PKD1: variants seen among roughly 807,000 people sequenced by gnomAD.
PKD1 encodes the protein polycystin 1, transient receptor potential channel interacting, also known as polycystin-1.
Under a neutral mutation model 361.7 loss-of-function variants are expected in PKD1, and 81 were observed. That is an observed-to-expected ratio of 0.22 (90% confidence interval 0.19 to 0.27). The LOEUF is 0.27. PKD1 is among the 10% of genes least tolerant of loss of function. The pLI, the probability that PKD1 is intolerant of heterozygous loss-of-function variation, is 1.00. For synonymous variants in PKD1, 3,615 were observed against 2,818.3 expected (o/e 1.28, Z -8.95); for missense variants, 6,399 against 6,118.3 (o/e 1.05, Z -1.53).
chr16:2,089,672 A>G lies in PKD1; in HGVS notation c.*55T>C. The G allele has an allele frequency of 6.5e-7, 1 of 1,545,422 alleles. No homozygotes were observed. Among genetic ancestry groups the G allele is most frequent in the East Asian group, 2.4e-5 (1 of 41,102 alleles). ...CTCGGCCTTGACAGCGGCAGAAAGT[A>G]ATACTGAGCGGTGTCCACTCCGACT... is the stretch of plus-strand genomic sequence containing the variant. On this transcript the variant is annotated 3_prime_UTR_variant, in exon 46 of 46. Coordinates refer to ENST00000262304, the MANE Select transcript of PKD1 (RefSeq NM_001009944.3).
At position 2,100,648 on chromosome 16, in the gene PKD1, G is replaced by T; in HGVS notation, c.9398-82C>A. On this transcript the variant is annotated intron_variant, in intron 26 of 45. Transcript: ENST00000262304. This position sits in a 1 kb window ranked among gnomAD's most constrained non-coding sequence, Gnocchi z 4.4. ...TCCCAGGCAAGTCATCTCAGCTTTG[G>T]CCTGTGCGCACTCAAGGAGCCACAC... The T allele has an allele frequency of 7.9e-7, 1 of 1,267,870 alleles. No homozygotes were observed. The highest frequency in any genetic ancestry group is 1.1e-6 in the Non-Finnish European group (1 of 886,376). The allele number at this position is 1,267,870 out of a possible 1,614,324, so 78.5% of individuals were successfully genotyped here.
chr16:2,132,018 A>C (rs564499028), intron 1 of PKD1: 1 of 152,292 alleles, frequency 6.6e-6, no homozygotes, highest in African/African-American at 2.4e-5. Flanking sequence ...TGGGAGGCCA[A>C]GGCAGGCGGA....
chr16:2,133,059 G>C (rs908501679), intron 1 of PKD1: 1 of 134,688 alleles, frequency 7.4e-6, no homozygotes. Flanking sequence ...TCCAGCCTTG[G>C]CAACAAGAGT....
At position 2,103,599 on chromosome 16, in the gene PKD1, T is replaced by C. The variant is rs568761110; in HGVS notation, c.8458A>G (p.Ser2820Gly). ...EAFSGALANLSDVVQLIFLVD... is the reference protein window; with the variant it reads ...EAFSGALANLGDVVQLIFLVD... Reference sequence around the variant, plus strand: ...AGAAAGATGAGCTGCACCACGTCACTGAGGTTGGCCAGGGCCCCGCTGAAA... The same window carrying C: ...AGAAAGATGAGCTGCACCACGTCACCGAGGTTGGCCAGGGCCCCGCTGAAA... Residue 2820 changes from serine (S) to glycine (G), a missense_variant, in exon 23 of 46, where the codon AGT becomes GGT. Transcript: ENST00000262304. 4 of 1,610,314 alleles carry C rather than the reference T, an allele frequency of 2.5e-6. No homozygotes were observed. In the East Asian group the frequency reaches 8.9e-5, roughly 36 times the overall value.
rs749053258 is a variant in PKD1, at chr16:2,093,958, G to GGCCAGGGAGGCAC, written c.10661_10673dup (p.His3559CysfsTer72). On this transcript the variant is annotated frameshift_variant, in exon 36 of 46. Coordinates refer to ENST00000262304, the MANE Select transcript of PKD1 (RefSeq NM_001009944.3). LOFTEE classifies it high-confidence loss of function. ...CCACCAGGAGCAGGCTGAGCCCGTG[G>GGCCAGGGAGGCAC]GCCAGGGAGGCACACCAGGCCGGCA... The GGCCAGGGAGGCAC allele has an allele frequency of 6.3e-7, 1 of 1,586,732 alleles. No homozygotes were observed. The highest frequency in any genetic ancestry group is 8.5e-7 in the Non-Finnish European group (1 of 1,170,058).
chr16:2,100,453 C>T lies in PKD1; in HGVS notation c.9511G>A (p.Ala3171Thr). 6.2e-7 allele frequency: 1 copy of T among 1,610,974 alleles called. No homozygotes were observed. The highest frequency in any genetic ancestry group is 8.5e-7 in the Non-Finnish European group (1 of 1,179,694). ...ACGCTACCCAGGCTGTGCGGGGTGGCGATCCGGAAGATGTCCAGGCTGTTG... is the reference window on the plus strand; with the variant it reads ...ACGCTACCCAGGCTGTGCGGGGTGGTGATCCGGAAGATGTCCAGGCTGTTG... ...HRNSLDIFRI[A>T]TPHSLGSVWK... The change falls in exon 27 of 46, where the codon GCC becomes ACC. Residue 3171 changes from alanine to threonine, a missense_variant. Coordinates refer to ENST00000262304, the MANE Select transcript of PKD1 (RefSeq NM_001009944.3). This position sits in a 1 kb window ranked among gnomAD's most constrained non-coding sequence, Gnocchi z 4.4.
At chr16:2,123,080 CACT>C (rs1408497953) in intron 1 of PKD1, among the ~76,000 whole-genome samples, 2 of 152,206 alleles carry the variant, frequency 1.3e-5, no homozygotes, top group Non-Finnish European at 2.9e-5. Context: ...CCGCCCATCC[CACT>C]GTGAACCAGG....
At position 2,089,556 on chromosome 16, in the gene PKD1, A is replaced by C. The variant is rs2091356785; in HGVS notation, c.*171T>G. 2.4e-6 allele frequency: 2 copies of C among 818,538 alleles called. No homozygotes were observed. Among genetic ancestry groups the C allele is most frequent in the Non-Finnish European group, 3.8e-6 (2 of 521,098 alleles). 50.7% of individuals were successfully genotyped at this position (818,538 alleles called of 1,614,324 possible). On this transcript the variant is annotated 3_prime_UTR_variant, in exon 46 of 46. Coordinates refer to ENST00000262304, the MANE Select transcript of PKD1 (RefSeq NM_001009944.3). Reference sequence around the variant, plus strand: ...AGGGGACCCTGGGTCCTGGTTGGCCACACAGCCTCTTTAAAGTGCTGAAGC... The same window carrying C: ...AGGGGACCCTGGGTCCTGGTTGGCCCCACAGCCTCTTTAAAGTGCTGAAGC...
Position 2,105,370 on chromosome 16 carries a change from G to A in PKD1, c.7968C>T (p.His2656=), listed in dbSNP as rs1752196050. ...CGATCTGCTGGATGTCATCCACAGTGTGGACCCTCAGGGACACCAGAGTCT... is the reference window on the plus strand; with the variant it reads ...CGATCTGCTGGATGTCATCCACAGTATGGACCCTCAGGGACACCAGAGTCT... ...ITETLVSLRV[H]TVDDIQQIAA... The change falls in exon 21 of 46, where the codon CAC becomes CAT. Residue 2656 remains histidine (H), a synonymous_variant. Transcript: ENST00000262304. The A allele has an allele frequency of 6.3e-7, 1 of 1,590,274 alleles. No individual in the cohort carries two copies. The highest frequency in any genetic ancestry group is 8.5e-7 in the Non-Finnish European group (1 of 1,175,126).
chr16:2,091,080 C>G lies in PKD1; in HGVS notation c.11807G>C (p.Trp3936Ser). 6.6e-7 allele frequency: 1 copy of G among 1,511,436 alleles called. No homozygotes were observed. Among genetic ancestry groups the G allele is most frequent in the African/African-American group, 1.4e-5 (1 of 70,702 alleles). 93.6% of individuals were successfully genotyped at this position (1,511,436 alleles called of 1,614,324 possible). Residue 3936 changes from tryptophan to serine, a missense_variant, in exon 43 of 46, where the codon TGG becomes TCG. By Grantham distance (177) the Trp-to-Ser change is radical. Coordinates refer to ENST00000262304, the MANE Select transcript of PKD1 (RefSeq NM_001009944.3). ...CAGCGCCACCAGCAGCCACCGCGCC[C>G]AGGCTCCGAGCCGCAGCACGCGCCA... ...GRWRVLRLGA[W>S]ARWLLVALTA...
At position 2,094,148 on chromosome 16, in the gene PKD1, G is replaced by A. The variant is rs773860404; in HGVS notation, c.10562C>T (p.Pro3521Leu). 8 of 1,599,890 alleles carry A rather than the reference G, an allele frequency of 5.0e-6. No homozygotes were observed. The Admixed American group carries it at 5.1e-5, about 10-fold the overall frequency. The change falls in exon 35 of 46, where the codon CCA becomes CTA. Residue 3521 changes from proline to leucine, a missense_variant. Pro to Leu is a moderately conservative substitution (Grantham distance 98). Coordinates refer to ENST00000262304, the MANE Select transcript of PKD1 (RefSeq NM_001009944.3). ...TTCCCAGTTCAGGCCTGGGCTGGGTGGCCCCAGCTCCCCCAGCCTCTGCAG... is the reference window on the plus strand; with the variant it reads ...TTCCCAGTTCAGGCCTGGGCTGGGTAGCCCCAGCTCCCCCAGCCTCTGCAG... ...LALQRLGELG[P>L]PSPGLNWEQP...
Position 2,117,532 on chromosome 16 carries a change from C to T in PKD1, c.1342G>A (p.Asp448Asn), listed in dbSNP as rs1191999728. 7.5e-6 allele frequency: 12 copies of T among 1,594,036 alleles called. No homozygotes were observed. Among genetic ancestry groups the T allele is most frequent in the Non-Finnish European group, 1.0e-5 (12 of 1,171,652 alleles). ...AGGAAGCGCTGCACGGCGGGACTGT[C>T]CACCATTGCCAGGGCGGCCCCGGCC... ...AWAGAALAMV[D>N]SPAVQRFLVS... The change falls in exon 6 of 46, where the codon GAC becomes AAC. Residue 448 changes from aspartate to asparagine, a missense_variant. Coordinates refer to ENST00000262304, the MANE Select transcript of PKD1 (RefSeq NM_001009944.3).
At position 2,092,569 on chromosome 16, in the gene PKD1, A is replaced by G; in HGVS notation, c.11180T>C (p.Met3727Thr). The change falls in exon 39 of 46, where the codon ATG (methionine) becomes ACG (threonine). Residue 3727 changes from methionine (M) to threonine (T), a missense_variant. By Grantham distance (81) the Met-to-Thr change is moderately conservative (BLOSUM62 -1). Transcript: ENST00000262304. ...ITRSEELWPWMAHVLLPYVHG... is the reference protein window; with the variant it reads ...ITRSEELWPWTAHVLLPYVHG... Reference sequence around the variant, plus strand: ...GACGTAGGGCAGCAGCACGTGGGCCATCCATGGCCAGAGCTCCTCAGACCT... The same window carrying G: ...GACGTAGGGCAGCAGCACGTGGGCCGTCCATGGCCAGAGCTCCTCAGACCT... 1.2e-6 allele frequency: 2 copies of G among 1,611,876 alleles called. No individual in the cohort carries two copies. Among genetic ancestry groups the G allele is most frequent in the Non-Finnish European group, 1.7e-6 (2 of 1,179,426 alleles).
intron 20 of PKD1, 37 bp downstream of exon 20, chr16:2,105,828 G>T: frequency 6.3e-7 from 1 of 1,583,270 alleles, no homozygotes; most frequent in Non-Finnish European, 8.6e-7. Context: ...AAGCACGCAT[G>T]CAGCAGATGT....
chr16:2,135,078 C>A (rs1282537650), intron 1 of PKD1: 1 of 974,194 alleles, frequency 1.0e-6, no homozygotes. Flanking sequence ...TCCATCAAAT[C>A]CTTTTCCAGA....
rs778633274 is a variant in PKD1 at position 2,094,203 on chromosome 16, T to A, written c.10507A>T (p.Thr3503Ser). 2 of 1,587,178 alleles carry A rather than the reference T, an allele frequency of 1.3e-6. No homozygotes were observed. The highest frequency in any genetic ancestry group is 3.3e-5 in the Admixed American group (2 of 59,728). Residue 3503 changes from threonine to serine, a missense_variant, in exon 35 of 46, where the codon ACT (threonine) becomes TCT (serine). Coordinates refer to ENST00000262304, the MANE Select transcript of PKD1 (RefSeq NM_001009944.3). Reference protein sequence around the residue: ...ETDLLSSLSSTPGEKTETLAL... With the variant: ...ETDLLSSLSSSPGEKTETLAL... ...AGCGTCTCTGTCTTCTCCCCAGGAG[T>A]GCTGGACCTGAGGGACATGGTAGGC...
rs746344579 is a variant in PKD1 at position 2,114,219 on chromosome 16, A to G, written c.2804T>C (p.Leu935Pro). The change falls in exon 11 of 46, where the codon CTC (leucine) becomes CCC (proline). Residue 935 changes from leucine to proline, a missense_variant. Coordinates refer to ENST00000262304, the MANE Select transcript of PKD1 (RefSeq NM_001009944.3). ...RVTAEEPICG[L>P]RATPSPEARV... Reference sequence around the variant, plus strand: ...GGCCTCGGGGCTGGGCGTGGCGCGGAGGCCACAGATGGGCTCCTCCGCCGT... The same window carrying G: ...GGCCTCGGGGCTGGGCGTGGCGCGGGGGCCACAGATGGGCTCCTCCGCCGT... 6.2e-7 allele frequency: 1 copy of G among 1,609,882 alleles called. No individual in the cohort carries two copies. The highest frequency in any genetic ancestry group is 2.2e-5 in the East Asian group (1 of 44,872).
In PKD1 at chr16:2,100,236, C is replaced by T. The variant is rs551855121; in HGVS notation, c.9642G>A (p.Leu3214=). 2 of 1,610,652 alleles carry T rather than the reference C, an allele frequency of 1.2e-6. No individual in the cohort carries two copies. Among genetic ancestry groups the T allele is most frequent in the Admixed American group, 3.3e-5 (2 of 60,014 alleles). The change falls in exon 28 of 46, where the codon CTG becomes CTA. Residue 3214 remains leucine (L), a synonymous_variant. Coordinates refer to ENST00000262304, the MANE Select transcript of PKD1 (RefSeq NM_001009944.3). The surrounding 1 kb of genome is among the most constrained non-coding windows in gnomAD (Gnocchi z 4.4). ...DLQTARSAFF[L]VNDWLSVETE... ...TCTCCACCGAAAGCCAGTCATTGACCAGGAAGAAGGCGCTGCGTGCCGTCT... is the reference window on the plus strand; with the variant it reads ...TCTCCACCGAAAGCCAGTCATTGACTAGGAAGAAGGCGCTGCGTGCCGTCT...
rs2091381361 is a variant in PKD1 at position 2,089,820 on chromosome 16, G to A, written c.12819C>T (p.Arg4273=). ...CCACACCCCGACTGGCCCGGGCAAGGCGGCTGGGCAGTGCTGGCCGCAGGC... is the reference window on the plus strand; with the variant it reads ...CCACACCCCGACTGGCCCGGGCAAGACGGCTGGGCAGTGCTGGCCGCAGGC... ...SPGLRPALPS[R]LARASRGVDL... is the part of the protein sequence containing the mutation. Residue 4273 remains arginine, a synonymous_variant, in exon 46 of 46, where the codon CGC becomes CGT. Coordinates refer to ENST00000262304, the MANE Select transcript of PKD1 (RefSeq NM_001009944.3). The A allele has an allele frequency of 6.2e-7, 1 of 1,602,422 alleles. No individual in the cohort carries two copies.
Sources: allele counts gnomAD v4.1 joint callset (sites outside exome capture counted in the v4.1 genomes callset), GRCh38; gene constraint gnomAD v4.1.1; non-coding constraint Gnocchi (gnomAD v3.1); transcripts MANE v1.5; gene names NCBI Gene and HGNC (gene_info 2026-07-23, HGNC 2026-07-21).